The following CACHD1 variants were observed in gnomAD, a reference collection of about 807,000 sequenced individuals.
CACHD1 encodes VWFA and cache domain-containing protein 1.
A neutral mutation model predicts 138.7 loss-of-function variants in CACHD1; 71 were observed. The observed-to-expected ratio is 0.51, with a 90% CI of 0.42 to 0.62. The LOEUF (loss-of-function observed/expected upper bound fraction) is 0.62. CACHD1 is among the 20% of genes least tolerant of loss of function. CACHD1 has a pLI of 0.00. For synonymous variants in CACHD1, 578 were observed against 591.5 expected (o/e 0.98, Z 0.33); for missense variants, 1,389 against 1,625.3 (o/e 0.85, Z 2.50).
Position 64,560,940 on chromosome 1 carries a change from T to C in CACHD1, c.261+10284T>C, listed in dbSNP as rs536106818. Among the ~76,000 whole-genome samples, 24 of 152,290 alleles carry C rather than the reference T, an allele frequency of 1.6e-4. No homozygotes were observed. In the South Asian group the frequency reaches 4.4e-3, roughly 28 times the overall value. The stretch of plus-strand genomic sequence containing the variant: ...ATTATGAAATGTTATTCTCCAGTAA[T>C]ATTATTCTCTCCTTAAAGTCTATTT... On this transcript the variant is annotated intron_variant, in intron 2 of 26. Transcript: ENST00000651257.
intron 7 of CACHD1, among the ~76,000 whole-genome samples, chr1:64,638,453 C>T (rs747518631): frequency 6.6e-6 from 1 of 152,146 alleles, no homozygotes; most frequent in African/African-American, 2.4e-5. Context: ...CTTATATCAA[C>T]CAGAAGGTCT....
chr1:64,632,488 G>A, intron 5 of CACHD1, 111 bp from the exon 6 acceptor site: 2 of 1,105,344 alleles, frequency 1.8e-6, no homozygotes, highest in Non-Finnish European at 2.6e-6. Flanking sequence ...TGCCATCCCT[G>A]GGAGAACACA....
chr1:64,642,105 C>G, intron 8 of CACHD1, 136 bp downstream of exon 8: 1 of 653,568 alleles, frequency 1.5e-6, no homozygotes, highest in East Asian at 3.2e-5. Context: ...GGCTCTTTCT[C>G]TACCTGATGT....
intron 12 of CACHD1, among the ~76,000 whole-genome samples, chr1:64,655,716 C>G (rs1490315071): frequency 2.0e-5 from 3 of 152,148 alleles, no homozygotes; most frequent in Admixed American, 6.5e-5. Flanking sequence ...CTGTGTTTCT[C>G]TTCTCTCCTC....
intron 6 of CACHD1, among the ~76,000 whole-genome samples, chr1:64,633,072 C>T (rs1408098162): frequency 6.6e-6 from 1 of 152,164 alleles, no homozygotes; most frequent in Admixed American, 6.5e-5. Context: ...ATCAGCGGTT[C>T]TCCTTTATGA....
At chr1:64,633,957 C>T in intron 6 of CACHD1, 87 bp from the exon 7 acceptor site, 1 of 1,000,912 alleles carries the variant, frequency 1.0e-6, no homozygotes, top group Non-Finnish European at 1.5e-6. Context: ...CTTCTTACTC[C>T]TTGGCCTCTT....
At chr1:64,647,014 T>C (rs1648928467) in intron 8 of CACHD1, among the ~76,000 whole-genome samples, 1 of 150,736 alleles carries the variant, frequency 6.6e-6, no homozygotes, top group Non-Finnish European at 1.5e-5. Context: ...ACAGTCCCCA[T>C]ATGCAATCAG....
chr1:64,564,069 G>T (rs1277190584), intron 2 of CACHD1, among the ~76,000 whole-genome samples: 1 of 152,152 alleles, frequency 6.6e-6, no homozygotes, highest in Non-Finnish European at 1.5e-5. Flanking sequence ...GGAACAGCAG[G>T]TGCAAGTAGA....
chr1:64,569,522 T>G (rs1443381756), intron 2 of CACHD1, among the ~76,000 whole-genome samples: 3 of 152,220 alleles, frequency 2.0e-5, no homozygotes, highest in Admixed American at 2.0e-4. Flanking sequence ...ACTGCTTCTT[T>G]AGGGGGAATG....
At chr1:64,578,429 CT>C (rs2100529167) in intron 2 of CACHD1, among the ~76,000 whole-genome samples, 1 of 152,272 alleles carries the variant, frequency 6.6e-6, no homozygotes, top group African/African-American at 2.4e-5. Context: ...GTTTCACCTG[CT>C]TCAATATGTA....
intron 12 of CACHD1, among the ~76,000 whole-genome samples, chr1:64,655,072 C>T (rs1364322483): frequency 6.6e-6 from 1 of 152,094 alleles, no homozygotes; most frequent in Admixed American, 6.6e-5. Context: ...CTATGCCCAG[C>T]CTGGACAACA....
intron 4 of CACHD1, among the ~76,000 whole-genome samples, chr1:64,613,837 C>T (rs973761750): frequency 1.3e-5 from 2 of 152,130 alleles, no homozygotes; most frequent in Non-Finnish European, 2.9e-5. Context: ...AGCCAGCTTC[C>T]CAGCTCCTGC....
chr1:64,644,378 G>A (rs1306964474), intron 8 of CACHD1, among the ~76,000 whole-genome samples: 1 of 152,232 alleles, frequency 6.6e-6, no homozygotes, highest in Non-Finnish European at 1.5e-5. Flanking sequence ...ACCCAGTGAG[G>A]AAGATAGGTA....
chr1:64,653,979 A>C, intron 11 of CACHD1, 98 bp downstream of exon 11: 1 of 1,058,878 alleles, frequency 9.4e-7, no homozygotes, highest in Non-Finnish European at 1.3e-6. Flanking sequence ...AAACAAGTGT[A>C]TAAATTATTT....
chr1:64,635,476 C>T (rs1321418219), intron 7 of CACHD1, among the ~76,000 whole-genome samples: 3 of 150,852 alleles, frequency 2.0e-5, no homozygotes, highest in East Asian at 2.0e-4. Context: ...CTCCACCTCC[C>T]GGGTTCAAGC....
In CACHD1 at chr1:64,470,252, G is replaced by C. The variant is rs1646133931; in HGVS notation, c.-493G>C. Among the ~76,000 whole-genome samples, 1 of 151,986 alleles carries C rather than the reference G, an allele frequency of 6.6e-6. No individual in the cohort carries two copies. Among genetic ancestry groups the C allele is most frequent in the South Asian group, 2.1e-4 (1 of 4,832 alleles). ...AAGCCTCCCCTTTCCCTCCTCGCTC[G>C]GGTGGCTGCCCCAGTCTCGCAGCCC... On this transcript the variant is annotated 5_prime_UTR_variant, in exon 1 of 27. Transcript: ENST00000651257. This position sits in a 1 kb window ranked among gnomAD's most constrained non-coding sequence, Gnocchi z 5.2.
At chr1:64,499,818 T>C (rs1263560972) in intron 1 of CACHD1, among the ~76,000 whole-genome samples, 1 of 152,224 alleles carries the variant, frequency 6.6e-6, no homozygotes, top group African/African-American at 2.4e-5. Flanking sequence ...CACATATTAC[T>C]ATGTTACAGC....
chr1:64,547,201 T>C (rs1378143310), intron 1 of CACHD1, among the ~76,000 whole-genome samples: 1 of 152,224 alleles, frequency 6.6e-6, no homozygotes, highest in Non-Finnish European at 1.5e-5. Flanking sequence ...CAATAATTTA[T>C]GTGAAATTGT....
intron 2 of CACHD1, among the ~76,000 whole-genome samples, chr1:64,554,297 C>T (rs1646780770): frequency 6.6e-6 from 1 of 152,212 alleles, no homozygotes; most frequent in South Asian, 2.1e-4. Flanking sequence ...TTATCCTTGG[C>T]CTCCTGCCAA....
Sources: allele counts gnomAD v4.1 joint callset (sites outside exome capture counted in the v4.1 genomes callset), GRCh38; gene constraint gnomAD v4.1.1; non-coding constraint Gnocchi (gnomAD v3.1); transcripts MANE v1.5; gene names NCBI Gene and HGNC (gene_info 2026-07-23, HGNC 2026-07-21).